The following CSMD3 variants were observed in gnomAD, a reference collection of about 807,000 sequenced individuals.
The protein encoded by CSMD3 is CUB and Sushi multiple domains 3.
CSMD3 carries 177 observed loss-of-function variants against 435.2 expected under a neutral mutation model. The ratio of observed to expected loss-of-function variants is 0.41; its 90% CI spans 0.36 to 0.46. The LOEUF (loss-of-function observed/expected upper bound fraction) is 0.46, where lower values mean the gene tolerates loss of function less well. CSMD3 is among the 20% of genes least tolerant of loss of function. The pLI is 0.34. For synonymous variants in CSMD3, 1,656 were observed against 1,520.5 expected, an observed-to-expected ratio of 1.09 and a Z score of -2.07; for missense variants, 4,265 against 4,504.6, an observed-to-expected ratio of 0.95 and a Z score of 1.52.
intron 1 of CSMD3, among the ~76,000 whole-genome samples, chr8:113,356,374 C>A (rs1156734538): frequency 6.6e-6 from 1 of 152,048 alleles, no homozygotes; most frequent in African/African-American, 2.4e-5. Flanking sequence ...GTTCATCAAA[C>A]CTGAGAAGTC....
chr8:112,400,198 T>A (rs1313200042), intron 35 of CSMD3, among the ~76,000 whole-genome samples: 1 of 152,172 alleles, frequency 6.6e-6, no homozygotes, highest in Non-Finnish European at 1.5e-5. Flanking sequence ...AAATCAAAGT[T>A]TTCTAAAGCA....
intron 4 of CSMD3, among the ~76,000 whole-genome samples, chr8:113,125,442 T>C (rs764070113): frequency 2.0e-5 from 3 of 151,940 alleles, no homozygotes; most frequent in Non-Finnish European, 4.4e-5. Context: ...AGAGATGGAA[T>C]TTAAAGTTAT....
At chr8:112,536,158 C>T (rs1476033850) in intron 27 of CSMD3, among the ~76,000 whole-genome samples, 2 of 151,844 alleles carry the variant, frequency 1.3e-5, no homozygotes, top group Non-Finnish European at 1.5e-5. Context: ...CAACAAAAGC[C>T]AAAATTGACA....
chr8:112,382,928 T>C (rs759431358), intron 37 of CSMD3, among the ~76,000 whole-genome samples: 1 of 152,116 alleles, frequency 6.6e-6, no homozygotes, highest in Non-Finnish European at 1.5e-5. Flanking sequence ...GAGGCAGAGG[T>C]TGCAGTGAGC....
At position 112,231,619 on chromosome 8, in the gene CSMD3, G is replaced by A; in HGVS notation, c.10754C>T (p.Pro3585Leu). 1 of 1,609,130 alleles carries A rather than the reference G, an allele frequency of 6.2e-7. No homozygotes were observed. The highest frequency in any genetic ancestry group is 8.5e-7 in the Non-Finnish European group (1 of 1,175,886). Residue 3585 changes from proline (P) to leucine (L), a missense_variant, in exon 69 of 71, where the codon CCT becomes CTT. Physicochemically the swap from Pro to Leu is moderately conservative, Grantham distance 98. Coordinates refer to ENST00000297405, the MANE Select transcript of CSMD3 (RefSeq NM_198123.2). ...WAMDGFVSAE[P>L]DGATYVFQGF... ...TTGAAATACATAAGTAGCTCCATCA[G>A]GCTCAGCAGAAACCTAAAAATATTT...
chr8:113,095,251 TATTA>T (rs901968193), intron 5 of CSMD3, among the ~76,000 whole-genome samples: 62 of 152,314 alleles, frequency 4.1e-4, no homozygotes, highest in African/African-American at 1.4e-3. Context: ...TAAATCCATT[TATTA>T]ATTTAGGAAC....
chr8:112,567,847 C>T (rs539950214), intron 24 of CSMD3, among the ~76,000 whole-genome samples: 5 of 152,144 alleles, frequency 3.3e-5, no homozygotes, highest in Non-Finnish European at 5.9e-5. Flanking sequence ...TCTTACCCTA[C>T]TCCCTGTTCT....
Position 112,352,411 on chromosome 8 carries a change from C to A in CSMD3, c.6255+5G>T, listed in dbSNP as rs1320218345. 3.7e-6 allele frequency: 6 copies of A among 1,613,052 alleles called. No homozygotes were observed. In the South Asian group the frequency reaches 6.6e-5, roughly 18 times the overall value. ...ATCAAAACCACAACTTTAAAATAGA[C>A]TTACCTGAAGAGAATATCCTTGATC... is the stretch of plus-strand genomic sequence containing the variant. On this transcript the variant is annotated splice_donor_5th_base_variant and intron_variant, in intron 39 of 70. Coordinates refer to ENST00000297405, the MANE Select transcript of CSMD3 (RefSeq NM_198123.2).
At chr8:112,506,942 G>A (rs1822596085) in intron 28 of CSMD3, 113 bp from the exon 29 acceptor site, 2 of 859,682 alleles carry the variant, frequency 2.3e-6, no homozygotes, top group East Asian at 5.3e-5. Context: ...GTACAGACCT[G>A]AATTTTATAG....
At chr8:112,885,415 T>C (rs548135215) in intron 10 of CSMD3, among the ~76,000 whole-genome samples, 1 of 151,682 alleles carries the variant, frequency 6.6e-6, no homozygotes, top group East Asian at 2.0e-4. Context: ...TATGCTACTA[T>C]AGTTGATGAA....
intron 1 of CSMD3, among the ~76,000 whole-genome samples, chr8:113,366,039 C>T (rs2094309248): frequency 6.6e-6 from 1 of 151,932 alleles, no homozygotes; most frequent in African/African-American, 2.4e-5. Context: ...GCATTTTCAC[C>T]ATACCAAGTA....
chr8:113,214,142 C>T (rs1164892032), intron 3 of CSMD3, among the ~76,000 whole-genome samples: 1 of 152,002 alleles, frequency 6.6e-6, no homozygotes, highest in African/African-American at 2.4e-5. Flanking sequence ...AAAAGTGAGG[C>T]TTCCACTTCC....
chr8:113,205,571 C>A (rs759215282), intron 3 of CSMD3, among the ~76,000 whole-genome samples: 1 of 152,098 alleles, frequency 6.6e-6, no homozygotes, highest in Non-Finnish European at 1.5e-5. Flanking sequence ...ATGAAATAGC[C>A]TAATGGTGAA....
Position 113,314,685 on chromosome 8 carries a change from A to T in CSMD3, c.287T>A (p.Ile96Lys), listed in dbSNP as rs775507908. Residue 96 changes from isoleucine (I) to lysine (K), a missense_variant, in exon 2 of 71, where the codon ATA becomes AAA. Physicochemically the swap from Ile to Lys is moderately radical, Grantham distance 102. Coordinates refer to ENST00000297405, the MANE Select transcript of CSMD3 (RefSeq NM_198123.2). ...PNGANCTWVI[I>K]AEERNRIQIV... ...TTGTATTCTATTTCGTTCTTCTGCT[A>T]TTATTACCCATGTGCAGTTTGCACC... 3 of 1,611,998 alleles carry T rather than the reference A, an allele frequency of 1.9e-6. No individual in the cohort carries two copies. The highest frequency in any genetic ancestry group is 1.7e-6 in the Non-Finnish European group (2 of 1,178,298).
intron 54 of CSMD3, 48 bp from the exon 55 acceptor site, chr8:112,292,758 T>A (rs766841822): frequency 2.7e-6 from 4 of 1,508,298 alleles, no homozygotes; most frequent in East Asian, 2.3e-5. Context: ...AGAAAAAAAA[T>A]ATTTAGTTAT....
chr8:112,756,855 A>G (rs1391351356), intron 13 of CSMD3, among the ~76,000 whole-genome samples: 2 of 148,742 alleles, frequency 1.3e-5, no homozygotes, highest in East Asian at 2.0e-4. Flanking sequence ...TGCAACCTCC[A>G]CCTCCTGGGT....
chr8:112,435,937 G>C (rs1814290325), intron 32 of CSMD3, among the ~76,000 whole-genome samples: 1 of 151,678 alleles, frequency 6.6e-6, no homozygotes. Context: ...ATTTACTATA[G>C]GCATGAAAAT....
At chr8:113,232,914 T>C (rs1272944226) in intron 3 of CSMD3, among the ~76,000 whole-genome samples, 1 of 151,912 alleles carries the variant, frequency 6.6e-6, no homozygotes, top group African/African-American at 2.4e-5. Context: ...ATTATTCTTT[T>C]ATGTAGGTGG....
rs747300908 is a variant in CSMD3 at position 112,234,352 on chromosome 8, T to C, written c.10740+13A>G. On this transcript the variant is annotated intron_variant, in intron 68 of 70. Transcript: ENST00000297405. Reference sequence around the variant, plus strand: ...TTAAAATCAGCAGCAGATGTTAAAATAACTATACTTACAAAGCCATCCATT... The same window carrying C: ...TTAAAATCAGCAGCAGATGTTAAAACAACTATACTTACAAAGCCATCCATT... 1 of 1,513,014 alleles carries C rather than the reference T, an allele frequency of 6.6e-7. No individual in the cohort carries two copies. Among genetic ancestry groups the C allele is most frequent in the South Asian group, 1.1e-5 (1 of 89,006 alleles). 93.7% of individuals were successfully genotyped at this position (1,513,014 alleles called of 1,614,324 possible).
Sources: gnomAD v4.1 joint callset for allele counts (sites outside exome capture counted in the v4.1 genomes callset) on GRCh38, gnomAD v4.1.1 for gene constraint, MANE v1.5 for transcripts, NCBI Gene and HGNC (gene_info 2026-07-23, HGNC 2026-07-21) for gene names.